Variants in NUMB observed in about 807,000 individuals in gnomAD.
NUMB encodes the protein NUMB endocytic adaptor protein, also known as protein numb homolog.
Under a neutral mutation model 59.7 loss-of-function variants are expected in NUMB, and 29 were observed. The observed-to-expected ratio is 0.49, with a 90% CI of 0.36 to 0.66. The LOEUF (loss-of-function observed/expected upper bound fraction) is 0.66, where lower values mean the gene tolerates loss of function less well. Ranked by LOEUF, NUMB falls within the 30% of genes least tolerant of loss-of-function variation. The pLI is 0.00. For missense variants in NUMB, 723 were observed against 822.0 expected (o/e 0.88, Z 1.47); for synonymous variants, 288 against 288.2 (o/e 1.00, Z 0.01).
chr14:73,373,512 A>G (rs1894802983), intron 2 of NUMB, among the ~76,000 whole-genome samples: 1 of 152,210 alleles, frequency 6.6e-6, no homozygotes, highest in Non-Finnish European at 1.5e-5. Context: ...CAAATCCATC[A>G]TGGGACTTAC....
chr14:73,377,984 T>G (rs1010184762), intron 2 of NUMB, among the ~76,000 whole-genome samples: 3 of 123,286 alleles, frequency 2.4e-5, no homozygotes, highest in African/African-American at 1.0e-4. Flanking sequence ...TATAGATATA[T>G]ATATACACAT....
In NUMB at chr14:73,276,872, G is replaced by C. The variant is rs1012422764; in HGVS notation, c.1662C>G (p.Pro554=). Residue 554 remains proline (P), a synonymous_variant, in exon 13 of 13, where the codon CCC becomes CCG. Transcript: ENST00000555238. ...GGAATGTCTGCTGCCTGACCAGGCT[G>C]GGTGACTGATGGGGATGGGCAGCCT... The part of the protein sequence containing the change: ...HPQAAHPHQS[P]SLVRQQTFPH... The C allele has an allele frequency of 2.5e-5, 40 of 1,614,058 alleles. No individual in the cohort carries two copies. In the Admixed American group the frequency reaches 3.8e-4, roughly 15 times the overall value.
chr14:73,414,500 C>A (rs1358169674), intron 1 of NUMB, among the ~76,000 whole-genome samples: 3 of 152,078 alleles, frequency 2.0e-5, no homozygotes, highest in African/African-American at 7.2e-5. Flanking sequence ...TCAAGCAATT[C>A]TCTAGCCTCG....
intron 10 of NUMB, among the ~76,000 whole-genome samples, chr14:73,283,755 A>G (rs541751173): frequency 6.6e-6 from 1 of 152,370 alleles, no homozygotes; most frequent in South Asian, 2.1e-4. Context: ...CAGAATAAGA[A>G]TAGAAACTTG....
chr14:73,348,737 T>C (rs1336723691), intron 4 of NUMB, among the ~76,000 whole-genome samples: 1 of 152,200 alleles, frequency 6.6e-6, no homozygotes, highest in Non-Finnish European at 1.5e-5. Context: ...GGACCACTGC[T>C]CTAAAGCATA....
chr14:73,344,666 T>C (rs1892812476), intron 4 of NUMB, among the ~76,000 whole-genome samples: 1 of 152,236 alleles, frequency 6.6e-6, no homozygotes, highest in Admixed American at 6.5e-5. Context: ...AGCCCTTCCA[T>C]CTTATTTAAC....
intron 4 of NUMB, among the ~76,000 whole-genome samples, chr14:73,334,617 G>A (rs529725165): frequency 2.2e-4 from 33 of 152,176 alleles, no homozygotes; most frequent in Non-Finnish European, 1.3e-4. Flanking sequence ...GTAATGTATA[G>A]TTTCCTAGAA....
intron 4 of NUMB, among the ~76,000 whole-genome samples, chr14:73,342,313 T>C (rs1255222517): frequency 6.6e-6 from 1 of 152,250 alleles, no homozygotes; most frequent in Non-Finnish European, 1.5e-5. Flanking sequence ...TAACCTTACT[T>C]GATTTATTTC....
At chr14:73,438,630 CAAAAAAA>C (rs35633693) in intron 1 of NUMB, among the ~76,000 whole-genome samples, 1 of 66,706 alleles carries the variant, frequency 1.5e-5, no homozygotes, top group Non-Finnish European at 2.8e-5. Context: ...GACTCTGCCT[CAAAAAAA>C]AAAAAAAAAA....
chr14:73,394,724 C>T (rs1896032297), intron 2 of NUMB, among the ~76,000 whole-genome samples: 1 of 152,168 alleles, frequency 6.6e-6, no homozygotes, highest in South Asian at 2.1e-4. Context: ...ATCATTCTAC[C>T]AGACTGTTTC....
chr14:73,455,462 G>C (rs1351773512), intron 1 of NUMB, among the ~76,000 whole-genome samples: 1 of 152,156 alleles, frequency 6.6e-6, no homozygotes, highest in Non-Finnish European at 1.5e-5. Context: ...CCTCAAACAA[G>C]TTAAGTTTAC....
Position 73,365,382 on chromosome 14 carries a change from T to C in NUMB, c.-16+1515A>G, listed in dbSNP as rs1475328491. ...TGGAAAAAAGAGAAAGCGAATTTAC[T>C]GAAAAATATTTTAAATATCTAAATA... On this transcript the variant is annotated intron_variant, in intron 3 of 12. Transcript: ENST00000555238. Among the ~76,000 whole-genome samples, 4 of 152,164 alleles carry C rather than the reference T, an allele frequency of 2.6e-5. No homozygotes were observed. In the East Asian group the frequency reaches 5.8e-4, roughly 22 times the overall value.
intron 4 of NUMB, among the ~76,000 whole-genome samples, chr14:73,333,678 C>T (rs1208333455): frequency 6.6e-6 from 1 of 151,880 alleles, no homozygotes; most frequent in Non-Finnish European, 1.5e-5. Context: ...CATTCTATAG[C>T]TTCTTTTCAC....
intron 2 of NUMB, among the ~76,000 whole-genome samples, chr14:73,395,030 CGTGTGTTTGTGTGTGTGTGT>C (rs1418545996): frequency 1.7e-4 from 10 of 58,258 alleles, no homozygotes; most frequent in South Asian, 7.1e-4. Flanking sequence ...GAATAGTATT[CGTGTGTTTGTGTGTGTGTGT>C]GTGTGTGTGT....
At position 73,414,721 on chromosome 14, in the gene NUMB, C is replaced by CG. The variant is rs958637106; in HGVS notation, c.-232-4654dup. On this transcript the variant is annotated intron_variant, in intron 1 of 12. Transcript: ENST00000555238. Reference sequence around the variant, plus strand: ...TGACCGGTTTTTCTGGGGGCGGGTGCGGGGGGGGCGGGTTTTGAGACTGAG... The same window carrying CG: ...TGACCGGTTTTTCTGGGGGCGGGTGCGGGGGGGGGCGGGTTTTGAGACTGAG... Among the ~76,000 whole-genome samples the CG allele has an allele frequency of 6.6e-4, 98 of 147,558 alleles. No individual in the cohort carries two copies. The South Asian group carries it at 9.9e-3, about 15-fold the overall frequency.
rs546873322 is a variant in NUMB at position 73,284,228 on chromosome 14, T to C, written c.802A>G (p.Ile268Val). 2.4e-5 allele frequency: 39 copies of C among 1,614,154 alleles called. No homozygotes were observed. Among genetic ancestry groups the C allele is most frequent in the Admixed American group, 6.7e-5 (4 of 60,022 alleles). ...PHAIPRRHAP[I>V]EQLARQGSFR... ...GAGCCTTGGCGAGCAAGCTGTTCAA[T>C]TGGAGCATGCCGGCGTGGGATGGCA... The change falls in exon 10 of 13, where the codon ATT becomes GTT. Residue 268 changes from isoleucine to valine, a missense_variant. Around this residue, in one of 2 missense-constraint regions of NUMB, gnomAD observed 317 missense variants for 436.6 expected, o/e 0.73. Coordinates refer to ENST00000555238, the MANE Select transcript of NUMB (RefSeq NM_001005743.2).
chr14:73,356,000 A>G (rs1014204069), intron 3 of NUMB, among the ~76,000 whole-genome samples: 1 of 146,980 alleles, frequency 6.8e-6, no homozygotes, highest in African/African-American at 2.6e-5. Flanking sequence ...TGAAAAGACA[A>G]CTACAATACT....
intron 2 of NUMB, among the ~76,000 whole-genome samples, chr14:73,406,307 A>G (rs1382760776): frequency 7.8e-6 from 1 of 128,054 alleles, no homozygotes; most frequent in Non-Finnish European, 1.5e-5. Context: ...AAGTGTTCTC[A>G]TTGTTCAATT....
chr14:73,451,169 A>AC (rs1459167945), intron 1 of NUMB, among the ~76,000 whole-genome samples: 6 of 117,872 alleles, frequency 5.1e-5, no homozygotes, highest in African/African-American at 1.7e-4. Context: ...AAAAAAAAAA[A>AC]AAAAACAAAA....
Sources: gnomAD v4.1 joint callset for allele counts (sites outside exome capture counted in the v4.1 genomes callset) on GRCh38, gnomAD v4.1.1 for gene constraint, gnomAD v4.1.1 regional missense constraint, MANE v1.5 for transcripts, NCBI Gene and HGNC (gene_info 2026-07-23, HGNC 2026-07-21) for gene names.